The following CT55 variants were observed in gnomAD, a reference collection of about 807,000 sequenced individuals.
The protein encoded by CT55 is BRCA2-interacting protein.
Under a neutral mutation model 12.6 loss-of-function variants are expected in CT55, and 1 was observed. The ratio of observed to expected loss-of-function variants is 0.08; its 90% confidence interval spans 0.03 to 0.38. The LOEUF is 0.38. Ranked by LOEUF, CT55 falls within the 10% of genes least tolerant of loss-of-function variation. The pLI is 0.99. For synonymous variants in CT55, 43 were observed against 49.7 expected, an observed-to-expected ratio of 0.87 and a Z score of 0.57; for missense variants, 109 against 135.4, an observed-to-expected ratio of 0.80 and a Z score of 0.97.
intron 2 of CT55, among the ~76,000 whole-genome samples, chrX:135,166,087 G>A (rs1238735549): frequency 2.4e-5 from 2 of 82,203 alleles, no homozygotes; most frequent in Non-Finnish European, 4.4e-5. Context: ...GAACACTTCC[G>A]AACTCATTCT....
At chrX:135,165,381 G>A (rs782756251) in intron 2 of CT55, among the ~76,000 whole-genome samples, 1 of 111,673 alleles carries the variant, frequency 9.0e-6, no homozygotes, top group South Asian at 3.7e-4. Flanking sequence ...TTCTTGAGTT[G>A]AAGCAAAATG....
At chrX:135,158,353 A>G in intron 3 of CT55, 42 bp from the exon 4 acceptor site, 1 of 817,143 alleles carries the variant, frequency 1.2e-6, no homozygotes, top group Non-Finnish European at 1.8e-6. Flanking sequence ...TGATCTCTTA[A>G]CTAGGTCACT....
Position 135,171,262 on chromosome X carries a change from C to T in CT55, c.-91G>A. Reference sequence around the variant, plus strand: ...AAGGGAAGCCCTCAGGTCACGGCGTCTCCTCAGGGACTCACTTCCTGCTTC... The same window carrying T: ...AAGGGAAGCCCTCAGGTCACGGCGTTTCCTCAGGGACTCACTTCCTGCTTC... On this transcript the variant is annotated 5_prime_UTR_variant, in exon 1 of 6. Transcript: ENST00000276241. The T allele has an allele frequency of 8.6e-7, 1 of 1,165,233 alleles. No homozygotes were observed.
chrX:135,170,135 T>C (rs1437656177), intron 1 of CT55, among the ~76,000 whole-genome samples: 1 of 111,154 alleles, frequency 9.0e-6, no homozygotes, highest in Non-Finnish European at 1.9e-5. Context: ...GCCTCCCCAG[T>C]AGCTGGGACT....
chrX:135,160,340 A>T (rs2083557406), intron 3 of CT55, 71 bp downstream of exon 3: 1 of 1,071,145 alleles, frequency 9.3e-7, no homozygotes, highest in Admixed American at 3.7e-5. Context: ...ACACTGTAAA[A>T]GTTGTTCCAG....
At chrX:135,169,220 G>A (rs1188062960) in intron 2 of CT55, among the ~76,000 whole-genome samples, 1 of 112,353 alleles carries the variant, frequency 8.9e-6, no homozygotes, top group Non-Finnish European at 1.9e-5. Context: ...ATTCCATGAA[G>A]CTCTTTTTAA....
chrX:135,161,747 T>A (rs1556405220), intron 2 of CT55, among the ~76,000 whole-genome samples: 1 of 112,527 alleles, frequency 8.9e-6, no homozygotes, highest in Non-Finnish European at 1.9e-5. Flanking sequence ...TTTTTCATGG[T>A]TTTAAAAATA....
intron 2 of CT55, among the ~76,000 whole-genome samples, chrX:135,163,178 A>C (rs2083569593): frequency 8.9e-6 from 1 of 112,475 alleles, no homozygotes; most frequent in African/African-American, 3.2e-5. Flanking sequence ...GATCAAACAC[A>C]ATAAGGAAAA....
rs373761800 is a variant in CT55 at position 135,171,223 on chromosome X, G to A, written c.-52C>T. On this transcript the variant is annotated 5_prime_UTR_variant, in exon 1 of 6. Transcript: ENST00000276241. ...GCACCGCTTGTGGCAGATGAAGCAC[G>A]AGGCCTCCTCAGTAAGGGAAGCCCT... 1.7e-6 allele frequency: 2 copies of A among 1,204,828 alleles called. No individual in the cohort carries two copies. The highest frequency in any genetic ancestry group is 3.0e-5 in the East Asian group (1 of 33,608).
intron 1 of CT55, among the ~76,000 whole-genome samples, chrX:135,170,484 C>T (rs1279136784): frequency 1.8e-5 from 2 of 111,963 alleles, no homozygotes; most frequent in African/African-American, 6.5e-5. Context: ...AGATACTTAA[C>T]CATCTCAGCA....
chrX:135,158,305 A>G lies in CT55; in HGVS notation c.431T>C (p.Val144Ala). The change falls in exon 4 of 6, where the codon GTG (valine) becomes GCG (alanine). Residue 144 changes from valine (V) to alanine (A), a missense_variant. Transcript: ENST00000276241. The part of the protein sequence containing the change: ...FSIAIVSEDF[V>A]PYKGDLLEVE... ...TTCTAACAAGTCACCCTTATAAGGC[A>G]CAAAATCTAAAACAGCCATGGAGAA... 1 of 1,166,271 alleles carries G rather than the reference A, an allele frequency of 8.6e-7. No individual in the cohort carries two copies. The highest frequency in any genetic ancestry group is 1.2e-6 in the Non-Finnish European group (1 of 854,683).
At chrX:135,165,398 C>A (rs1256988888) in intron 2 of CT55, among the ~76,000 whole-genome samples, 4 of 111,409 alleles carry the variant, frequency 3.6e-5, no homozygotes, top group Non-Finnish European at 7.5e-5. Context: ...AATGAAGGCA[C>A]AACATACGAA....
intron 2 of CT55, among the ~76,000 whole-genome samples, chrX:135,164,880 A>T (rs1376922802): frequency 8.9e-6 from 1 of 112,446 alleles, no homozygotes; most frequent in African/African-American, 3.2e-5. Flanking sequence ...TCAAGAGGAT[A>T]TAATGATTTC....
intron 4 of CT55, among the ~76,000 whole-genome samples, chrX:135,157,877 G>A (rs1356975155): frequency 3.5e-5 from 2 of 56,981 alleles, no homozygotes; most frequent in African/African-American, 7.1e-5. Flanking sequence ...AACACACTCC[G>A]TTCATTCTTT....
At chrX:135,158,955 A>G (rs1184270846) in intron 3 of CT55, among the ~76,000 whole-genome samples, 5 of 112,372 alleles carry the variant, frequency 4.4e-5, no homozygotes, top group Admixed American at 2.8e-4. Flanking sequence ...GTGTTCAACT[A>G]ATGAACTCTT....
intron 2 of CT55, among the ~76,000 whole-genome samples, chrX:135,163,894 A>G (rs1336807968): frequency 9.0e-6 from 1 of 111,256 alleles, no homozygotes; most frequent in Admixed American, 9.6e-5. Context: ...GCCAGGAGAG[A>G]GTAGTATAGT....
intron 2 of CT55, among the ~76,000 whole-genome samples, chrX:135,168,584 G>T (rs2083596030): frequency 9.0e-6 from 1 of 111,408 alleles, no homozygotes; most frequent in Non-Finnish European, 1.9e-5. Context: ...GTTGTTGGGG[G>T]AGGGGACAGT....
chrX:135,170,329 C>T (rs1201881245), intron 1 of CT55, among the ~76,000 whole-genome samples: 1 of 112,537 alleles, frequency 8.9e-6, no homozygotes, highest in African/African-American at 3.2e-5. Context: ...CTGACACATG[C>T]ACATCAACTG....
intron 2 of CT55, 96 bp downstream of exon 2, chrX:135,169,498 T>A: frequency 1.5e-6 from 1 of 664,335 alleles, no homozygotes; most frequent in Non-Finnish European, 2.3e-6. Flanking sequence ...ACTCTACGGA[T>A]CACAGCAGAG....
Sources: allele counts gnomAD v4.1 joint callset (sites outside exome capture counted in the v4.1 genomes callset), GRCh38; gene constraint gnomAD v4.1.1; transcripts MANE v1.5; gene names NCBI Gene and HGNC (gene_info 2026-07-23, HGNC 2026-07-21).